Variants in TRAF1 observed in about 807,000 individuals in gnomAD.
TRAF1 encodes TNF receptor-associated factor 1.
Under a neutral mutation model 40.9 loss-of-function variants are expected in TRAF1, and 23 were observed. The observed-to-expected ratio is 0.56, with a 90% CI of 0.40 to 0.80. The LOEUF (loss-of-function observed/expected upper bound fraction) is 0.80, where lower values mean the gene tolerates loss of function less well. Among genes scored for constraint, TRAF1 ranks in the 30% least tolerant of loss-of-function variants. TRAF1 has a pLI of 0.00. For missense variants in TRAF1, 477 were observed against 528.7 expected (o/e 0.90, Z 0.96); for synonymous variants, 206 against 218.8 (o/e 0.94, Z 0.52).
At position 120,905,203 on chromosome 9, in the gene TRAF1, CT is replaced by C; in HGVS notation, c.1067del (p.Glu356GlyfsTer11). 6.2e-7 allele frequency: 1 copy of C among 1,613,550 alleles called. No homozygotes were observed. Among genetic ancestry groups the C allele is most frequent in the African/African-American group, 1.3e-5 (1 of 75,060 alleles). On this transcript the variant is annotated frameshift_variant, in exon 8 of 8. Coordinates refer to ENST00000373887, the MANE Select transcript of TRAF1 (RefSeq NM_005658.5). LOFTEE classifies it high-confidence loss of function. ...CAGGCCGGAAGGCGTCAATGGCGTG[CT>C]CACGGTTGTTCTGGTCCAGCAGCAT... ...TFMLLDQNNR[E>X]HAIDAFRPDL... is the part of the protein sequence containing the mutation.
Position 120,913,380 on chromosome 9 carries a change from G to C in TRAF1, c.653C>G (p.Ser218Cys), listed in dbSNP as rs1481378911. 9 of 1,613,772 alleles carry C rather than the reference G, an allele frequency of 5.6e-6. No homozygotes were observed. Among genetic ancestry groups the C allele is most frequent in the Non-Finnish European group, 6.8e-6 (8 of 1,180,008 alleles). The stretch of plus-strand genomic sequence containing the variant: ...ACGGTCCAGCTGGCTCTGGTGGATA[G>C]AGGTGGCCAGGGCCAGGTGGGAGGC... ...VEASHLALATSIHQSQLDRER... is the reference protein window; with the variant it reads ...VEASHLALATCIHQSQLDRER... Residue 218 changes from serine (S) to cysteine (C), a missense_variant, in exon 5 of 8, where the codon TCT becomes TGT. Ser to Cys is a moderately radical substitution (Grantham distance 112, BLOSUM62 -1). Coordinates refer to ENST00000373887, the MANE Select transcript of TRAF1 (RefSeq NM_005658.5).
chr9:120,904,658 C>T lies in TRAF1; in HGVS notation c.*362G>A, dbSNP rs189678455. The T allele has an allele frequency of 4.8e-5, 13 of 272,700 alleles. No homozygotes were observed. In the Admixed American group the frequency reaches 4.9e-4, roughly 10 times the overall value. The allele number at this position is 272,700 out of a possible 1,614,324, so 16.9% of individuals were successfully genotyped here. On this transcript the variant is annotated 3_prime_UTR_variant, in exon 8 of 8. Coordinates refer to ENST00000373887, the MANE Select transcript of TRAF1 (RefSeq NM_005658.5). ...CGGCCCTGCAGAGATCTTCCTAGCC[C>T]GAGAGCTTCTCTGCTTGGGTCCTAC...
intron 3 of TRAF1, among the ~76,000 whole-genome samples, chr9:120,916,542 G>C (rs979186142): frequency 8.5e-5 from 13 of 152,054 alleles, no homozygotes; most frequent in Admixed American, 1.3e-4. Flanking sequence ...AGCAGGAGAG[G>C]ACAGAGGTCT....
intron 3 of TRAF1, among the ~76,000 whole-genome samples, chr9:120,917,994 A>G (rs944482124): frequency 6.6e-6 from 1 of 152,160 alleles, no homozygotes; most frequent in African/African-American, 2.4e-5. Flanking sequence ...CCCTAATGCA[A>G]TGTGACTGGT....
At chr9:120,917,336 CA>C (rs1489416700) in intron 3 of TRAF1, among the ~76,000 whole-genome samples, 1 of 152,068 alleles carries the variant, frequency 6.6e-6, no homozygotes, top group East Asian at 1.9e-4. Context: ...TTTTGGGGTT[CA>C]GAGCTTGTTT....
Position 120,906,001 on chromosome 9 carries a change from G to GA in TRAF1, c.1033-764_1033-763insT, listed in dbSNP as rs201156572. 5.9e-3 allele frequency among the ~76,000 whole-genome samples: 895 copies of GA among 151,840 alleles called. 4 individuals are homozygous for GA. The highest frequency in any genetic ancestry group is 9.4e-3 in the Non-Finnish European group (640 of 67,902). On this transcript the variant is annotated intron_variant, in intron 7 of 7. Transcript: ENST00000373887. ...TCCCCAGCACCTTTGGGAACTGCCG[G>GA]GGGTAGGAGAACCTACTGACTCACA...
At chr9:120,911,282 G>A in intron 6 of TRAF1, 54 bp downstream of exon 6, 1 of 1,578,664 alleles carries the variant, frequency 6.3e-7, no homozygotes, top group South Asian at 1.2e-5. Context: ...TGCTTCCTGG[G>A]TCCTGTGGGG....
At chr9:120,907,720 T>G (rs954234074) in intron 7 of TRAF1, among the ~76,000 whole-genome samples, 7 of 152,244 alleles carry the variant, frequency 4.6e-5, no homozygotes, top group Non-Finnish European at 8.8e-5. Flanking sequence ...TCCTGAAAAT[T>G]CTGCTAGTTC....
Position 120,926,134 on chromosome 9 carries a change from C to A in TRAF1, c.-59G>T. 4.1e-6 allele frequency: 6 copies of A among 1,474,302 alleles called. No individual in the cohort carries two copies. Among genetic ancestry groups the A allele is most frequent in the East Asian group, 4.9e-5 (2 of 41,228 alleles). The allele number at this position is 1,474,302 out of a possible 1,614,324, so 91.3% of individuals were successfully genotyped here. On this transcript the variant is annotated 5_prime_UTR_variant, in exon 2 of 8. Coordinates refer to ENST00000373887, the MANE Select transcript of TRAF1 (RefSeq NM_005658.5). Reference sequence around the variant, plus strand: ...AAGTTGCTCCAGGGCAGGGGACCAGCCTTGTGGAGTCCTGGCCTGGGCCTC... The same window carrying A: ...AAGTTGCTCCAGGGCAGGGGACCAGACTTGTGGAGTCCTGGCCTGGGCCTC...
At chr9:120,912,047 T>C (rs768086990) in intron 5 of TRAF1, among the ~76,000 whole-genome samples, 32 of 152,174 alleles carry the variant, frequency 2.1e-4, no homozygotes, top group Non-Finnish European at 3.5e-4. Context: ...TCTAATAGCT[T>C]TCCCCAATAA....
At chr9:120,913,242 A>T (rs2046541748) in intron 5 of TRAF1, 86 bp downstream of exon 5, 1 of 1,458,572 alleles carries the variant, frequency 6.9e-7, no homozygotes, top group Non-Finnish European at 9.2e-7. Context: ...AAGCAGGATG[A>T]ATGATTAGGA....
intron 2 of TRAF1, 119 bp downstream of exon 2, chr9:120,925,817 A>T: frequency 7.1e-7 from 1 of 1,412,924 alleles, no homozygotes; most frequent in East Asian, 2.4e-5. Context: ...GTGGAAACTG[A>T]GGCCCAGAGA....
Position 120,904,760 on chromosome 9 carries a change from G to T in TRAF1, c.*260C>A. ...CATTCGGGGCCGGAGTGGCTCACTGGCCTCCCAGTGTCGCATGGTCCGTGC... is the reference window on the plus strand; with the variant it reads ...CATTCGGGGCCGGAGTGGCTCACTGTCCTCCCAGTGTCGCATGGTCCGTGC... On this transcript the variant is annotated 3_prime_UTR_variant, in exon 8 of 8. Coordinates refer to ENST00000373887, the MANE Select transcript of TRAF1 (RefSeq NM_005658.5). 1 of 503,718 alleles carries T rather than the reference G, an allele frequency of 2.0e-6. No homozygotes were observed. Among genetic ancestry groups the T allele is most frequent in the South Asian group, 2.5e-5 (1 of 39,950 alleles). The allele number at this position is 503,718 out of a possible 1,614,324, so 31.2% of individuals were successfully genotyped here.
At chr9:120,925,086 C>G (rs1278691389) in intron 2 of TRAF1, among the ~76,000 whole-genome samples, 1 of 152,232 alleles carries the variant, frequency 6.6e-6, no homozygotes, top group Non-Finnish European at 1.5e-5. Context: ...ACAGCCTCCT[C>G]CTTTGTCGTC....
At chr9:120,920,979 T>C (rs970212695) in intron 3 of TRAF1, among the ~76,000 whole-genome samples, 1 of 152,182 alleles carries the variant, frequency 6.6e-6, no homozygotes, top group Non-Finnish European at 1.5e-5. Context: ...GAGTCCCTGG[T>C]CCTTCCCCTA....
At chr9:120,914,443 C>T (rs1250081921) in intron 3 of TRAF1, 143 bp from the exon 4 acceptor site, 2 of 1,235,768 alleles carry the variant, frequency 1.6e-6, no homozygotes, top group African/African-American at 3.1e-5. Flanking sequence ...TTGGCTATCT[C>T]CTTTCCACCC....
At chr9:120,907,125 G>C (rs2046489319) in intron 7 of TRAF1, among the ~76,000 whole-genome samples, 1 of 152,226 alleles carries the variant, frequency 6.6e-6, no homozygotes, top group Admixed American at 6.5e-5. Flanking sequence ...GCCTCCCAAA[G>C]TGCTGATATT....
intron 7 of TRAF1, among the ~76,000 whole-genome samples, chr9:120,907,989 C>A (rs148761535): frequency 0.011 from 1,636 of 152,262 alleles, 20 homozygotes; most frequent in Middle Eastern, 0.054. Flanking sequence ...ACCTCCCAGG[C>A]TCAAGCAATC....
intron 5 of TRAF1, among the ~76,000 whole-genome samples, chr9:120,912,184 A>T (rs1324300016): frequency 6.6e-6 from 1 of 152,206 alleles, no homozygotes; most frequent in East Asian, 1.9e-4. Context: ...AGGGAAAGTG[A>T]CTTGCTCAGA....
Sources: gnomAD v4.1 joint callset for allele counts (sites outside exome capture counted in the v4.1 genomes callset) on GRCh38, gnomAD v4.1.1 for gene constraint, MANE v1.5 for transcripts, NCBI Gene and HGNC (gene_info 2026-07-23, HGNC 2026-07-21) for gene names.